TET3: variants seen among roughly 807,000 people sequenced by gnomAD.
The protein encoded by TET3 is methylcytosine dioxygenase TET3.
Under a neutral mutation model 141.4 loss-of-function variants are expected in TET3, and 19 were observed. That is an observed-to-expected ratio of 0.13 (90% CI 0.09 to 0.20). The LOEUF (loss-of-function observed/expected upper bound fraction) is 0.20, where lower values mean the gene tolerates loss of function less well. TET3 is among the 10% of genes least tolerant of loss of function. The pLI is 1.00. For missense variants in TET3, 1,874 were observed against 2,356.9 expected (o/e 0.80, Z 4.24); for synonymous variants, 1,043 against 980.9 (o/e 1.06, Z -1.18).
At chr2:74,027,390 G>A (rs994053037) in intron 3 of TET3, among the ~76,000 whole-genome samples, 2 of 147,958 alleles carry the variant, frequency 1.4e-5, no homozygotes, top group African/African-American at 5.0e-5. Flanking sequence ...ATCATATACA[G>A]TTCACCCATT....
At chr2:74,065,104 A>G (rs1305604255) in intron 4 of TET3, among the ~76,000 whole-genome samples, 2 of 152,214 alleles carry the variant, frequency 1.3e-5, no homozygotes, top group South Asian at 2.1e-4. Context: ...AGCTTTTTCA[A>G]TGAATATGAG....
rs374314745 is a variant in TET3 at position 74,100,490 on chromosome 2, C to T, written c.3702C>T (p.Asn1234=). Residue 1234 remains asparagine, a synonymous_variant, in exon 12 of 12, where the codon AAC becomes AAT. Transcript: ENST00000409262. ...NHFSSFKYSG[N]AVVESYSVLG... ...TCAGCTCCTTCAAGTACAGCGGCAA[C>T]GCGGTGGTGGAGAGCTACTCGGTGC... 4.2e-5 allele frequency: 67 copies of T among 1,600,542 alleles called. No individual in the cohort carries two copies. The Middle Eastern group carries it at 4.9e-4, about 12-fold the overall frequency.
intron 3 of TET3, among the ~76,000 whole-genome samples, chr2:74,040,717 G>A (rs1390246521): frequency 6.6e-6 from 1 of 152,122 alleles, no homozygotes; most frequent in Non-Finnish European, 1.5e-5. Flanking sequence ...TTTGACACCA[G>A]CCTGGACAAC....
chr2:74,045,319 ATACATCCTG>A (rs1234653179), intron 3 of TET3, among the ~76,000 whole-genome samples: 2 of 152,214 alleles, frequency 1.3e-5, no homozygotes, highest in Non-Finnish European at 2.9e-5. Flanking sequence ...GAGACCGTGT[ATACATCCTG>A]TACCTCATCA....
In TET3 at chr2:74,107,381, CT is replaced by C. The variant is rs1406909710; in HGVS notation, c.*5210del. ...GGCTTCTATTCTGATATCAGGGATGCTTTTTGTAGTGGTATTGTTTGCTCCC... is the reference window on the plus strand; with the variant it reads ...GGCTTCTATTCTGATATCAGGGATGCTTTTGTAGTGGTATTGTTTGCTCCC... On this transcript the variant is annotated 3_prime_UTR_variant, in exon 12 of 12. Transcript: ENST00000409262. 1 of 152,220 alleles carries C rather than the reference CT, an allele frequency of 6.6e-6. No homozygotes were observed. The highest frequency in any genetic ancestry group is 1.5e-5 in the Non-Finnish European group (1 of 68,040). 9.4% of individuals were successfully genotyped at this position (152,220 alleles called of 1,614,324 possible).
chr2:74,003,010 G>T, intron 2 of TET3, 100 bp from the exon 3 acceptor site: 1 of 1,320,578 alleles, frequency 7.6e-7, no homozygotes. Context: ...CCTCCCGTTC[G>T]CCTTCTTCCC....
intron 2 of TET3, among the ~76,000 whole-genome samples, chr2:73,990,709 TC>T (rs1684279398): frequency 6.6e-6 from 1 of 152,220 alleles, no homozygotes; most frequent in African/African-American, 2.4e-5. Context: ...TGGATTTACA[TC>T]TTGAAACAGA....
chr2:74,002,023 C>A (rs945736163), intron 2 of TET3, among the ~76,000 whole-genome samples: 2 of 151,738 alleles, frequency 1.3e-5, no homozygotes, highest in African/African-American at 4.8e-5. Context: ...AGGGTTGACA[C>A]AGGAGGTGTG....
chr2:74,062,725 ATATGT>A (rs552502723), intron 4 of TET3, among the ~76,000 whole-genome samples: 2 of 152,334 alleles, frequency 1.3e-5, no homozygotes, highest in African/African-American at 4.8e-5. Flanking sequence ...TGCCGGAAAT[ATATGT>A]TATAACAATG....
At chr2:74,115,224 T>C in the TET3 span, among the ~76,000 whole-genome samples, 3 of 152,056 alleles carry the variant, frequency 2.0e-5, no homozygotes, top group Non-Finnish European at 2.9e-5. Context: ...GGAACGAATA[T>C]CCAGAATATA....
Position 74,100,559 on chromosome 2 carries a change from G to A in TET3, c.3771G>A (p.Val1257=), listed in dbSNP as rs764273092. The A allele has an allele frequency of 1.2e-5, 19 of 1,613,200 alleles. No homozygotes were observed. The highest frequency in any genetic ancestry group is 1.6e-4 in the Middle Eastern group (1 of 6,084). The change falls in exon 12 of 12, where the codon GTG becomes GTA. Residue 1257 remains valine, a synonymous_variant. Coordinates refer to ENST00000409262, the MANE Select transcript of TET3 (RefSeq NM_001287491.2). ...RPSDPYSMNS[V]YSYHSYYAQP... ...CCGACCCTTACAGCATGAACAGCGT[G>A]TACTCCTACCACTCCTACTATGCAC...
the TET3 span, among the ~76,000 whole-genome samples, chr2:74,127,233 A>G: frequency 6.6e-6 from 1 of 152,208 alleles, no homozygotes; most frequent in African/African-American, 2.4e-5. Context: ...GGTTCCAGCA[A>G]TGAGTTAGCT....
In TET3 at chr2:74,048,140, T is replaced by C. The variant is rs760997408; in HGVS notation, c.2223T>C (p.Cys741=). Residue 741 remains cysteine (C), a synonymous_variant, in exon 4 of 12, where the codon TGT becomes TGC. Transcript: ENST00000409262. The stretch of plus-strand genomic sequence containing the variant: ...AGGACCCCGAGAACCAGCAAACATG[T>C]CTCCCAGCCCCTGAGAGCCCCTTTG... ...PIQDPENQQT[C]LPAPESPFAT... 1.9e-6 allele frequency: 3 copies of C among 1,612,502 alleles called. No individual in the cohort carries two copies. Among genetic ancestry groups the C allele is most frequent in the African/African-American group, 2.7e-5 (2 of 74,720 alleles).
At chr2:74,082,461 C>T (rs779857158) in intron 6 of TET3, among the ~76,000 whole-genome samples, 3 of 152,128 alleles carry the variant, frequency 2.0e-5, no homozygotes, top group Middle Eastern at 3.2e-3. Flanking sequence ...GGGAACAACT[C>T]GTGGGTGTCA....
chr2:74,078,066 A>G (rs1689609943), intron 5 of TET3, among the ~76,000 whole-genome samples: 1 of 152,246 alleles, frequency 6.6e-6, no homozygotes, highest in Admixed American at 6.5e-5. Context: ...TGTTGTAATT[A>G]TCAGAAACAG....
At chr2:74,073,680 G>C in intron 5 of TET3, 41 bp downstream of exon 5, 3 of 1,499,944 alleles carry the variant, frequency 2.0e-6, no homozygotes, top group Non-Finnish European at 2.7e-6. Context: ...TGGATGTGCT[G>C]TTAATGGAAT....
intron 4 of TET3, among the ~76,000 whole-genome samples, chr2:74,050,521 G>T (rs190602986): frequency 1.0e-3 from 155 of 152,268 alleles, no homozygotes; most frequent in African/African-American, 3.1e-3. Context: ...AAAATTAAGA[G>T]AAATGGTTCA....
At chr2:73,997,600 C>G (rs1291176711) in intron 2 of TET3, among the ~76,000 whole-genome samples, 4 of 152,146 alleles carry the variant, frequency 2.6e-5, no homozygotes, top group Non-Finnish European at 5.9e-5. Context: ...GTCCCAGGAT[C>G]TACAAGGTCC....
rs748754068 is a variant in TET3 at position 74,100,709 on chromosome 2, G to A, written c.3921G>A (p.Gly1307=). Residue 1307 remains glycine (G), a synonymous_variant, in exon 12 of 12, where the codon GGG becomes GGA. Coordinates refer to ENST00000409262, the MANE Select transcript of TET3 (RefSeq NM_001287491.2). ...PSQFLGPGAW[G]HSGSSGSFEK... is the part of the protein sequence containing the mutation. The stretch of plus-strand genomic sequence containing the variant: ...AGTTCCTGGGTCCTGGTGCCTGGGG[G>A]CACAGTGGCAGCAGTGGCAGTTTTG... 3.7e-6 allele frequency: 6 copies of A among 1,613,892 alleles called. No homozygotes were observed. Among genetic ancestry groups the A allele is most frequent in the Non-Finnish European group, 5.1e-6 (6 of 1,179,900 alleles).
Sources: gnomAD v4.1 joint callset for allele counts (sites outside exome capture counted in the v4.1 genomes callset) on GRCh38, gnomAD v4.1.1 for gene constraint, MANE v1.5 for transcripts, NCBI Gene and HGNC (gene_info 2026-07-23, HGNC 2026-07-21) for gene names.